Variants in FANCC observed in about 807,000 individuals in gnomAD.
FANCC encodes FA complementation group C, also known as Fanconi anemia group C protein.
Under a neutral mutation model 71.3 loss-of-function variants are expected in FANCC, and 55 were observed. The observed-to-expected ratio is 0.77, with a 90% CI of 0.62 to 0.97. The LOEUF is 0.97. FANCC is among the 50% of genes least tolerant of loss of function. The pLI, the probability that FANCC is intolerant of heterozygous loss-of-function variation, is 0.00. For missense variants in FANCC, 678 were observed against 670.9 expected, an observed-to-expected ratio of 1.01 and a Z score of -0.12; for synonymous variants, 275 against 244.9, an observed-to-expected ratio of 1.12 and a Z score of -1.15.
At chr9:95,252,703 C>T (rs1308950488) in intron 1 of FANCC, among the ~76,000 whole-genome samples, 1 of 148,724 alleles carries the variant, frequency 6.7e-6, no homozygotes, top group African/African-American at 2.5e-5. Flanking sequence ...CGAGATCACT[C>T]CACTGCACTC....
chr9:95,142,778 A>ATC (rs1242782909), intron 7 of FANCC, among the ~76,000 whole-genome samples: 4 of 152,204 alleles, frequency 2.6e-5, no homozygotes, highest in African/African-American at 7.2e-5. Flanking sequence ...TGCGAGTGTT[A>ATC]GAGTGGTCAG....
At chr9:95,162,485 TG>T (rs1830810502) in intron 6 of FANCC, among the ~76,000 whole-genome samples, 1 of 152,236 alleles carries the variant, frequency 6.6e-6, no homozygotes, top group East Asian at 1.9e-4. Flanking sequence ...ATGGGATTGC[TG>T]GATCATTTGG....
At chr9:95,121,546 A>G (rs2072878784) in intron 10 of FANCC, among the ~76,000 whole-genome samples, 1 of 152,232 alleles carries the variant, frequency 6.6e-6, no homozygotes, top group Non-Finnish European at 1.5e-5. Flanking sequence ...TGTCCAGAGC[A>G]ACATTGTTTG....
intron 1 of FANCC, among the ~76,000 whole-genome samples, chr9:95,287,560 CACAG>C (rs1340253249): frequency 1.3e-5 from 2 of 152,196 alleles, no homozygotes; most frequent in African/African-American, 4.8e-5. Context: ...GTGGGGAAAC[CACAG>C]ACAATGTCTG....
intron 10 of FANCC, among the ~76,000 whole-genome samples, chr9:95,117,698 G>A (rs1048077855): frequency 3.3e-5 from 5 of 150,300 alleles, no homozygotes; most frequent in Admixed American, 1.3e-4. Context: ...TGCCAAAGCC[G>A]TTGTGAGATG....
Position 95,125,081 on chromosome 9 carries a change from C to G in FANCC, c.996+5G>C, listed in dbSNP as rs751048037. 8 of 1,612,908 alleles carry G rather than the reference C, an allele frequency of 5.0e-6. No individual in the cohort carries two copies. The highest frequency in any genetic ancestry group is 8.5e-7 in the Non-Finnish European group (1 of 1,178,982). The stretch of plus-strand genomic sequence containing the variant: ...TGAATGAGTAATATATGTGATATAA[C>G]AAACCTGCTTGCTTGCTTTCTCCAG... On this transcript the variant is annotated splice_donor_5th_base_variant and intron_variant, in intron 10 of 14. Transcript: ENST00000289081.
At position 95,099,748 on chromosome 9, in the gene FANCC, C is replaced by T. The variant is rs573172664; in HGVS notation, c.*1959G>A. The T allele has an allele frequency of 3.0e-4, 70 of 232,592 alleles. No homozygotes were observed. Among genetic ancestry groups the T allele is most frequent in the African/African-American group, 1.3e-3 (59 of 45,398 alleles). The allele number at this position is 232,592 out of a possible 1,614,324, so 14.4% of individuals were successfully genotyped here. A position where few individuals can be genotyped will look rare whatever the true frequency, so the allele number is the denominator to read the frequency against. Reference sequence around the variant, plus strand: ...GCACCACCGGCAAGGCCGCCTCCACCGCACCCGTGAGAGGACTCGGCAGCT... The same window carrying T: ...GCACCACCGGCAAGGCCGCCTCCACTGCACCCGTGAGAGGACTCGGCAGCT... On this transcript the variant is annotated 3_prime_UTR_variant, in exon 15 of 15. Coordinates refer to ENST00000289081, the MANE Select transcript of FANCC (RefSeq NM_000136.3).
chr9:95,240,773 T>G, intron 3 of FANCC, 30 bp from the exon 4 acceptor site: 5 of 1,307,752 alleles, frequency 3.8e-6, no homozygotes, highest in Non-Finnish European at 5.5e-6. Flanking sequence ...ATAAGTTTTA[T>G]CAAGCAGAAA....
chr9:95,231,954 T>C (rs933375290), intron 4 of FANCC, among the ~76,000 whole-genome samples: 2 of 152,180 alleles, frequency 1.3e-5, no homozygotes, highest in African/African-American at 4.8e-5. Context: ...AAGAAATACC[T>C]GAGACTGAGT....
At chr9:95,214,642 T>C (rs1008682327) in intron 4 of FANCC, among the ~76,000 whole-genome samples, 2 of 152,180 alleles carry the variant, frequency 1.3e-5, no homozygotes, top group Admixed American at 6.5e-5. Context: ...CAAAATGCAG[T>C]CTCTTCATGC....
At chr9:95,263,502 G>GTATATATATATATATCTA (rs1459625482) in intron 1 of FANCC, among the ~76,000 whole-genome samples, 1 of 145,578 alleles carries the variant, frequency 6.9e-6, no homozygotes, top group African/African-American at 2.5e-5. Context: ...GTATGTATGT[G>GTATATATATATATATCTA]TATATATATA....
intron 10 of FANCC, among the ~76,000 whole-genome samples, chr9:95,121,549 ATTGT>A (rs996462537): frequency 6.6e-6 from 1 of 152,236 alleles, no homozygotes; most frequent in Admixed American, 6.5e-5. Context: ...CCAGAGCAAC[ATTGT>A]TTGTAATAAA....
chr9:95,161,711 T>C (rs1302536342), intron 6 of FANCC, among the ~76,000 whole-genome samples: 1 of 152,200 alleles, frequency 6.6e-6, no homozygotes, highest in African/African-American at 2.4e-5. Context: ...TATGTCCTTA[T>C]ATGCAACAGA....
chr9:95,229,379 G>A (rs1829845068), intron 4 of FANCC, among the ~76,000 whole-genome samples: 1 of 151,950 alleles, frequency 6.6e-6, no homozygotes, highest in Non-Finnish European at 1.5e-5. Context: ...CCTGGAGAGG[G>A]CAACAGTGGC....
intron 4 of FANCC, among the ~76,000 whole-genome samples, chr9:95,207,918 A>G (rs191228844): frequency 1.3e-5 from 2 of 152,062 alleles, no homozygotes; most frequent in African/African-American, 2.4e-5. Context: ...AATTTTAATA[A>G]TACAGACTAG....
At chr9:95,133,949 T>C (rs1412260574) in intron 8 of FANCC, among the ~76,000 whole-genome samples, 2 of 152,264 alleles carry the variant, frequency 1.3e-5, no homozygotes, top group South Asian at 2.1e-4. Flanking sequence ...CTTGCCTTAA[T>C]ATATGACTCT....
chr9:95,152,877 AAAG>A (rs1830260317), intron 6 of FANCC, among the ~76,000 whole-genome samples: 1 of 151,486 alleles, frequency 6.6e-6, no homozygotes, highest in Admixed American at 6.6e-5. Context: ...CTTTTTGGAA[AAAG>A]AAGAATCGTC....
In FANCC at chr9:95,317,665, C is replaced by T. The variant is rs981116343; in HGVS notation, c.-218G>A. On this transcript the variant is annotated 5_prime_UTR_variant, in exon 1 of 15. Coordinates refer to ENST00000289081, the MANE Select transcript of FANCC (RefSeq NM_000136.3). ...TTTTTGGAATTTTCCCGCGGTCGCC[C>T]GGCAGTGGAGCCGCGCGCGCGCACA... 3 of 152,210 alleles carry T rather than the reference C, an allele frequency of 2.0e-5. No homozygotes were observed. Among genetic ancestry groups the T allele is most frequent in the African/African-American group, 7.2e-5 (3 of 41,452 alleles). The allele number at this position is 152,210 out of a possible 1,614,324, so 9.4% of individuals were successfully genotyped here.
At chr9:95,195,922 C>T (rs1358730659) in intron 4 of FANCC, among the ~76,000 whole-genome samples, 4 of 152,052 alleles carry the variant, frequency 2.6e-5, no homozygotes, top group Non-Finnish European at 5.9e-5. Context: ...TGATAGTATA[C>T]GGAGATGGAG....
Sources: gnomAD v4.1 joint callset for allele counts (sites outside exome capture counted in the v4.1 genomes callset) on GRCh38, gnomAD v4.1.1 for gene constraint, MANE v1.5 for transcripts, NCBI Gene and HGNC (gene_info 2026-07-23, HGNC 2026-07-21) for gene names.